MORN1: variants seen among roughly 807,000 people sequenced by gnomAD.
MORN1 encodes the protein MORN repeat-containing protein 1.
In MORN1, 67 loss-of-function variants were observed where a neutral mutation model predicts 61.9. The observed-to-expected ratio is 1.08, with a 90% CI of 0.89 to 1.33. The LOEUF is 1.33. Ranked by LOEUF, MORN1 falls within the 40% of genes most tolerant of loss-of-function variation. The pLI is 0.00. For missense variants in MORN1, 752 were observed against 691.2 expected (o/e 1.09, Z -0.99); for synonymous variants, 301 against 292.0 (o/e 1.03, Z -0.31).
At chr1:2,325,090 C>T (rs1557865099) in intron 12 of MORN1, among the ~76,000 whole-genome samples, 1 of 130,764 alleles carries the variant, frequency 7.6e-6, no homozygotes, top group Admixed American at 7.6e-5. Context: ...ATCTTACTTT[C>T]TTCTTTCTCT....
At chr1:2,328,049 C>T (rs912238308) in intron 12 of MORN1, among the ~76,000 whole-genome samples, 1 of 152,258 alleles carries the variant, frequency 6.6e-6, no homozygotes, top group Non-Finnish European at 1.5e-5. Context: ...AGGCCTTGGC[C>T]GAGTGCAGGC....
Position 2,337,713 on chromosome 1 carries a change from G to T in MORN1, c.1037-863C>A, listed in dbSNP as rs941742346. 2.0e-5 allele frequency among the ~76,000 whole-genome samples: 3 copies of T among 152,278 alleles called. No individual in the cohort carries two copies. The highest frequency in any genetic ancestry group is 7.2e-5 in the African/African-American group (3 of 41,570). On this transcript the variant is annotated intron_variant, in intron 10 of 13. Coordinates refer to ENST00000378531, the MANE Select transcript of MORN1 (RefSeq NM_024848.3). The surrounding 1 kb of genome is among the most constrained non-coding windows in gnomAD (Gnocchi z 5.7). The stretch of plus-strand genomic sequence containing the variant: ...CTGTCCTGACACCGCTGCCCCGAGG[G>T]CCCCCCACTTGCACACACCACTGGG...
intron 12 of MORN1, among the ~76,000 whole-genome samples, chr1:2,325,186 CCTTCACTT>C (rs1430797347): frequency 1.6e-5 from 2 of 123,846 alleles, no homozygotes; most frequent in Non-Finnish European, 3.4e-5. Flanking sequence ...TCCTTCCCTT[CCTTCACTT>C]CCTTCTTTTT....
At chr1:2,351,969 C>T in intron 10 of MORN1, 4 of 523,370 alleles carry the variant, frequency 7.6e-6, no homozygotes, top group Non-Finnish European at 1.5e-5. Flanking sequence ...TCGAGGGACA[C>T]CAGTAGGCAT....
chr1:2,341,936 G>A (rs893021427), intron 10 of MORN1, among the ~76,000 whole-genome samples: 73 of 152,190 alleles, frequency 4.8e-4, no homozygotes, highest in African/African-American at 1.5e-3. Context: ...TGGGCTCCAC[G>A]GGCCCCAGAG....
chr1:2,336,540 G>T lies in MORN1; in HGVS notation c.1179C>A (p.Gly393=), dbSNP rs116755607. Residue 393 remains glycine (G), a synonymous_variant, in exon 12 of 14, where the codon GGC becomes GGA. Coordinates refer to ENST00000378531, the MANE Select transcript of MORN1 (RefSeq NM_024848.3). ...LFLDSLHKKA[G]GRSRGGLHPR... is the part of the protein sequence containing the mutation. ...GGTGCAGGCCGCCTCTGGATCTGCC[G>T]CCTGCCTTCTAGAAAGATTGGGCAG... 3.7e-6 allele frequency: 6 copies of T among 1,612,536 alleles called. No individual in the cohort carries two copies. Among genetic ancestry groups the T allele is most frequent in the Admixed American group, 3.3e-5 (2 of 59,980 alleles).
At chr1:2,374,228 G>A (rs1026912333) in intron 7 of MORN1, among the ~76,000 whole-genome samples, 2 of 152,226 alleles carry the variant, frequency 1.3e-5, no homozygotes, top group Admixed American at 1.3e-4. Context: ...CCATGACGAG[G>A]CCACCCCCAG....
chr1:2,335,372 C>T (rs530327955), intron 12 of MORN1, among the ~76,000 whole-genome samples: 16 of 152,324 alleles, frequency 1.1e-4, no homozygotes, highest in South Asian at 2.1e-4. Flanking sequence ...CACTCACGTC[C>T]GCTTCTGTTT....
chr1:2,342,390 G>T (rs995946748), intron 10 of MORN1, among the ~76,000 whole-genome samples: 2 of 152,242 alleles, frequency 1.3e-5, no homozygotes, highest in Admixed American at 1.3e-4. Flanking sequence ...AAGCAGAAAC[G>T]TTGACTTCGT....
chr1:2,364,445 A>G (rs555804109), intron 8 of MORN1, among the ~76,000 whole-genome samples: 147 of 138,852 alleles, frequency 1.1e-3, no homozygotes, highest in African/African-American at 3.8e-3. Flanking sequence ...AGTTCATTGT[A>G]GATTCTGGAT....
chr1:2,332,534 G>C (rs1206186688), intron 12 of MORN1: 1 of 450,266 alleles, frequency 2.2e-6, no homozygotes. Flanking sequence ...GCTAGGACCT[G>C]GGCTTCTATG....
rs948793438 is a variant in MORN1, at chr1:2,337,240, G to A, written c.1037-390C>T. ...GAGGCTGGCGCTCAACAGTACAGCT[G>A]TGTGCCCTCCTCGGAGCGCAGCATG... On this transcript the variant is annotated intron_variant, in intron 10 of 13. Transcript: ENST00000378531. The surrounding 1 kb of genome is among the most constrained non-coding windows in gnomAD (Gnocchi z 5.7). Among the ~76,000 whole-genome samples, 5 of 152,194 alleles carry A rather than the reference G, an allele frequency of 3.3e-5. No individual in the cohort carries two copies. Among genetic ancestry groups the A allele is most frequent in the African/African-American group, 1.2e-4 (5 of 41,444 alleles).
At chr1:2,387,756 G>C (rs1218990473) in intron 3 of MORN1, 3 of 557,852 alleles carry the variant, frequency 5.4e-6, no homozygotes. Context: ...CTCTCTTTGG[G>C]CATCTATCCC....
At chr1:2,331,126 G>A (rs1012328997) in intron 12 of MORN1, among the ~76,000 whole-genome samples, 8 of 152,144 alleles carry the variant, frequency 5.3e-5, no homozygotes, top group African/African-American at 1.4e-4. Flanking sequence ...GGGCCATCCC[G>A]TCCACCCTGT....
chr1:2,355,922 G>A (rs1171626706), intron 10 of MORN1, among the ~76,000 whole-genome samples: 3 of 152,222 alleles, frequency 2.0e-5, no homozygotes, highest in African/African-American at 7.2e-5. Flanking sequence ...GGAGGCTTTG[G>A]GGCCTGCTAG....
chr1:2,379,081 C>T (rs1211177411), intron 6 of MORN1: 1 of 471,010 alleles, frequency 2.1e-6, no homozygotes, highest in Non-Finnish European at 4.4e-6. Flanking sequence ...GGCTGCAAGG[C>T]AGGAGACACG....
At chr1:2,328,477 T>C (rs540993619) in intron 12 of MORN1, among the ~76,000 whole-genome samples, 1 of 152,102 alleles carries the variant, frequency 6.6e-6, no homozygotes, top group Non-Finnish European at 1.5e-5. Context: ...CGGGAGCCAG[T>C]GAGGCAAGAG....
intron 8 of MORN1, among the ~76,000 whole-genome samples, chr1:2,367,163 G>A (rs1294518603): frequency 6.6e-6 from 1 of 151,872 alleles, no homozygotes; most frequent in Non-Finnish European, 1.5e-5. Context: ...CATTCTATGA[G>A]GACAGCATTA....
chr1:2,339,493 T>C (rs1240043982), intron 10 of MORN1, among the ~76,000 whole-genome samples: 5 of 152,110 alleles, frequency 3.3e-5, no homozygotes, highest in Non-Finnish European at 5.9e-5. Flanking sequence ...AAGCTGAAAG[T>C]TGGGGGTCAG....
Sources: gnomAD v4.1 joint callset for allele counts (sites outside exome capture counted in the v4.1 genomes callset) on GRCh38, gnomAD v4.1.1 for gene constraint, Gnocchi (gnomAD v3.1) non-coding constraint, MANE v1.5 for transcripts, NCBI Gene and HGNC (gene_info 2026-07-23, HGNC 2026-07-21) for gene names.